Variants in PRRC2B observed in about 807,000 individuals in gnomAD.
The protein encoded by PRRC2B is proline rich coiled-coil 2B.
PRRC2B carries 68 observed loss-of-function variants against 242.3 expected under a neutral mutation model. The observed-to-expected ratio is 0.28, with a 90% CI of 0.23 to 0.34. The LOEUF (loss-of-function observed/expected upper bound fraction) is 0.34. Ranked by LOEUF, PRRC2B falls within the 10% of genes least tolerant of loss-of-function variation. The pLI, the probability that PRRC2B is intolerant of heterozygous loss-of-function variation, is 1.00. For missense variants in PRRC2B, 2,835 were observed against 2,954.8 expected (o/e 0.96, Z 0.94); for synonymous variants, 1,228 against 1,173.6 (o/e 1.05, Z -0.95).
At position 131,449,314 on chromosome 9, in the gene PRRC2B, G is replaced by A. The variant is rs1410753605; in HGVS notation, c.1120+1510G>A. ...GTTGTGCCATTTTACATTCCCAGCA[G>A]CAGTGTGTGAGAATTTGGTAGGTCT... is the stretch of plus-strand genomic sequence containing the variant. On this transcript the variant is annotated intron_variant, in intron 9 of 31. Coordinates refer to ENST00000683519, the MANE Select transcript of PRRC2B (RefSeq NM_013318.4). 3.9e-5 allele frequency among the ~76,000 whole-genome samples: 6 copies of A among 152,116 alleles called. No homozygotes were observed. In the East Asian group the frequency reaches 1.2e-3, roughly 29 times the overall value.
intron 28 of PRRC2B, 69 bp from the exon 29 acceptor site, chr9:131,491,356 G>C (rs1041210793): frequency 7.0e-7 from 1 of 1,434,626 alleles, no homozygotes; most frequent in Non-Finnish European, 9.3e-7. Flanking sequence ...ATGTGCGGTC[G>C]CTCTTTGGTG....
At chr9:131,396,347 AG>A (rs1292571430) in intron 1 of PRRC2B, among the ~76,000 whole-genome samples, 2 of 74,410 alleles carry the variant, frequency 2.7e-5, no homozygotes, top group East Asian at 6.3e-4. Flanking sequence ...TTTTTTTTTG[AG>A]ACAGTCTCAC....
intron 9 of PRRC2B, among the ~76,000 whole-genome samples, chr9:131,448,970 G>A (rs1564287480): frequency 6.6e-6 from 1 of 152,062 alleles, no homozygotes; most frequent in Non-Finnish European, 1.5e-5. Flanking sequence ...CCCTGCCACC[G>A]CTCAAGGGCC....
rs979325937 is a variant in PRRC2B, at chr9:131,487,545, TTCC to T, written c.5984+260_5984+262del. ...TCATCTTGCCTCCTTTCCTTGCTCC[TTCC>T]TCCTCCTCTCCCCTTGACTCCCTGT... On this transcript the variant is annotated intron_variant, in intron 27 of 31. Transcript: ENST00000683519. This position sits in a 1 kb window ranked among gnomAD's most constrained non-coding sequence, Gnocchi z 5.3. 1.5e-4 allele frequency among the ~76,000 whole-genome samples: 23 copies of T among 152,194 alleles called. No individual in the cohort carries two copies. The highest frequency in any genetic ancestry group is 2.9e-5 in the Non-Finnish European group (2 of 68,024).
Position 131,468,055 on chromosome 9 carries a change from G to A in PRRC2B, c.1911+302G>A, listed in dbSNP as rs114227442. The stretch of plus-strand genomic sequence containing the variant: ...AGGAACCTATTCAGTGCTGTTTGCA[G>A]TGAGCTCCATTTTTCTAGTGTGCAG... On this transcript the variant is annotated intron_variant, in intron 13 of 31. Coordinates refer to ENST00000683519, the MANE Select transcript of PRRC2B (RefSeq NM_013318.4). 2.3e-3 allele frequency among the ~76,000 whole-genome samples: 352 copies of A among 152,298 alleles called. 1 individual carries two copies. Among genetic ancestry groups the A allele is most frequent in the African/African-American group, 8.1e-3 (337 of 41,562 alleles).
At chr9:131,389,928 T>G (rs964642862), upstream of PRRC2B, among the ~76,000 whole-genome samples, 1 of 96,176 alleles carries the variant, frequency 1.0e-5, no homozygotes, top group Non-Finnish European at 2.2e-5. Context: ...TTTTTTTTTG[T>G]TTTTTTTTTT....
At chr9:131,484,254 C>G (rs1310085748) in intron 23 of PRRC2B, among the ~76,000 whole-genome samples, 1 of 152,182 alleles carries the variant, frequency 6.6e-6, no homozygotes, top group Non-Finnish European at 1.5e-5. Flanking sequence ...CAGGGCATCT[C>G]CAGGCCAGGT....
In PRRC2B at chr9:131,439,070, G is replaced by T. The variant is rs886941316; in HGVS notation, c.469+9G>T. 1.2e-6 allele frequency: 2 copies of T among 1,612,408 alleles called. No individual in the cohort carries two copies. The highest frequency in any genetic ancestry group is 1.7e-6 in the Non-Finnish European group (2 of 1,178,790). On this transcript the variant is annotated intron_variant, in intron 5 of 31. Coordinates refer to ENST00000683519, the MANE Select transcript of PRRC2B (RefSeq NM_013318.4). The stretch of plus-strand genomic sequence containing the variant: ...AGTAGGACACGAAGGTGGTAAGTGC[G>T]CACGTGTGTGTGTTGTTTGGGGACG...
At chr9:131,474,337 A>T in intron 15 of PRRC2B, 117 bp from the exon 16 acceptor site, 2 of 885,850 alleles carry the variant, frequency 2.3e-6, no homozygotes, top group South Asian at 2.0e-5. Flanking sequence ...TTTCTTTTTA[A>T]AAAGTGTTTT....
chr9:131,491,329 G>T, intron 28 of PRRC2B, 96 bp from the exon 29 acceptor site: 1 of 1,207,612 alleles, frequency 8.3e-7, no homozygotes, highest in Non-Finnish European at 1.1e-6. Flanking sequence ...CTTCTGAAGT[G>T]TATGAATCTG....
In PRRC2B at chr9:131,477,892, G is replaced by T; in HGVS notation, c.4555G>T (p.Ala1519Ser). ...KKAEKEAKLA[A>S]PRAGEQGEAM... ...GGCAGAGAAGGAGGCCAAGTTGGCT[G>T]CTCCGAGGGCAGGTGAACAGGGAGA... Residue 1519 changes from alanine (A) to serine (S), a missense_variant, in exon 17 of 32, where the codon GCT (alanine) becomes TCT (serine). Ala to Ser is a moderately conservative substitution (Grantham distance 99, BLOSUM62 1). Transcript: ENST00000683519. 1 of 1,614,042 alleles carries T rather than the reference G, an allele frequency of 6.2e-7. No homozygotes were observed. Among genetic ancestry groups the T allele is most frequent in the Non-Finnish European group, 8.5e-7 (1 of 1,179,888 alleles).
chr9:131,399,420 A>ATACAAAAAAT (rs1281023030), intron 1 of PRRC2B, among the ~76,000 whole-genome samples: 6 of 152,028 alleles, frequency 3.9e-5, no homozygotes, highest in Admixed American at 1.3e-4. Flanking sequence ...TCTACTAAAA[A>ATACAAAAAAT]TACAAAAAAT....
intron 3 of PRRC2B, among the ~76,000 whole-genome samples, chr9:131,436,029 G>C (rs1838357199): frequency 6.6e-6 from 1 of 152,320 alleles, no homozygotes; most frequent in East Asian, 1.9e-4. Context: ...ACTCAGAGAA[G>C]GTTAAAAAGT....
chr9:131,394,378 T>G (rs1836981369), intron 1 of PRRC2B, 115 bp downstream of exon 1: 1 of 144,594 alleles, frequency 6.9e-6, no homozygotes, highest in Non-Finnish European at 1.5e-5. Flanking sequence ...CCGGGGGCCC[T>G]GCGGCCCTGC....
rs762373508 is a variant in PRRC2B at position 131,487,162 on chromosome 9, C to T, written c.5857-5C>T. 9 of 1,613,282 alleles carry T rather than the reference C, an allele frequency of 5.6e-6. No individual in the cohort carries two copies. The Admixed American group carries it at 1.3e-4, about 24-fold the overall frequency. ...ACCTCCCCGACCCCGTTTTCCCGTT[C>T]ACAGGCCGCCGCTGCCCAGCAGATC... is the stretch of plus-strand genomic sequence containing the variant. On this transcript the variant is annotated splice_polypyrimidine_tract_variant and splice_region_variant and intron_variant, in intron 26 of 31. Transcript: ENST00000683519. The surrounding 1 kb of genome is among the most constrained non-coding windows in gnomAD (Gnocchi z 5.3).
intron 9 of PRRC2B, among the ~76,000 whole-genome samples, chr9:131,450,415 G>A (rs1221744622): frequency 2.0e-5 from 3 of 151,742 alleles, no homozygotes; most frequent in Admixed American, 6.6e-5. Flanking sequence ...TTATAGGCGC[G>A]CACCACATGC....
chr9:131,483,586 G>A (rs750381289), intron 23 of PRRC2B, 141 bp downstream of exon 23: 1 of 734,008 alleles, frequency 1.4e-6, no homozygotes, highest in Non-Finnish European at 2.4e-6. Flanking sequence ...CTTAAAAGGT[G>A]CTTAAATGTT....
At chr9:131,466,018 C>A (rs1943386407) in intron 12 of PRRC2B, among the ~76,000 whole-genome samples, 1 of 152,220 alleles carries the variant, frequency 6.6e-6, no homozygotes, top group Non-Finnish European at 1.5e-5. Context: ...AGCCACTGTG[C>A]CTGGGCAACA....
intron 5 of PRRC2B, among the ~76,000 whole-genome samples, chr9:131,440,975 C>T (rs1291853809): frequency 6.6e-6 from 1 of 152,124 alleles, no homozygotes; most frequent in Non-Finnish European, 1.5e-5. Context: ...GTGGCAGACA[C>T]CTGTAGTCCC....
Sources: allele counts gnomAD v4.1 joint callset (sites outside exome capture counted in the v4.1 genomes callset), GRCh38; gene constraint gnomAD v4.1.1; non-coding constraint Gnocchi (gnomAD v3.1); transcripts MANE v1.5; gene names NCBI Gene and HGNC (gene_info 2026-07-23, HGNC 2026-07-21).